Variants in SF3B3 observed in about 807,000 individuals in gnomAD.
The protein encoded by SF3B3 is splicing factor 3b subunit 3.
SF3B3 carries 33 observed loss-of-function variants against 139.2 expected under a neutral mutation model. The observed-to-expected ratio is 0.24, with a 90% CI of 0.18 to 0.32. The LOEUF is 0.32. Among genes scored for constraint, SF3B3 ranks in the 10% least tolerant of loss-of-function variants. The pLI, the probability that SF3B3 is intolerant of heterozygous loss-of-function variation, is 1.00. For missense variants in SF3B3, 818 were observed against 1,509.4 expected, an observed-to-expected ratio of 0.54 and a Z score of 7.59; for synonymous variants, 596 against 563.6, an observed-to-expected ratio of 1.06 and a Z score of -0.81.
chr16:70,569,770 T>C, intron 23 of SF3B3: 1 of 484,602 alleles, frequency 2.1e-6, no homozygotes, highest in Non-Finnish European at 3.7e-6. Flanking sequence ...GCTGAGACTA[T>C]AGTACATGCC....
rs2050360982 is a variant in SF3B3, at chr16:70,554,446, A to G, written c.1403A>G (p.Asp468Gly). The G allele has an allele frequency of 1.2e-6, 2 of 1,613,636 alleles. No individual in the cohort carries two copies. Among genetic ancestry groups the G allele is most frequent in the Non-Finnish European group, 1.7e-6 (2 of 1,179,810 alleles). The change falls in exon 12 of 26, where the codon GAT becomes GGT. Residue 468 changes from aspartate (D) to glycine (G), a missense_variant and splice_region_variant. Asp to Gly is a moderately conservative substitution (Grantham distance 94). Transcript: ENST00000302516. Reference protein sequence around the residue: ...AVWTVRRHIEDEFDAYIIVSF... With the variant: ...AVWTVRRHIEGEFDAYIIVSF... ...CCAACTCCCTTCTTTTCTTTTTCAG[A>G]TGAGTTTGATGCCTACATCATTGTG... is the stretch of plus-strand genomic sequence containing the variant.
chr16:70,560,909 G>A (rs2050422066), intron 16 of SF3B3, among the ~76,000 whole-genome samples: 1 of 152,222 alleles, frequency 6.6e-6, no homozygotes, highest in African/African-American at 2.4e-5. Context: ...TCTTAGATCA[G>A]TGTCACGTTT....
chr16:70,539,249 TA>T (rs1309424552), intron 8 of SF3B3, 42 bp downstream of exon 8: 22 of 1,457,482 alleles, frequency 1.5e-5, no homozygotes, highest in Non-Finnish European at 2.1e-5. Context: ...CTGGTTGGGA[TA>T]AAAGTTGGCA....
intron 3 of SF3B3, among the ~76,000 whole-genome samples, chr16:70,529,849 TCAGC>T (rs2050103671): frequency 6.6e-6 from 1 of 151,952 alleles, no homozygotes; most frequent in Non-Finnish European, 1.5e-5. Flanking sequence ...AGATGGGGTC[TCAGC>T]CAGGTGCGGT....
chr16:70,565,491 G>A lies in SF3B3; in HGVS notation c.2793G>A (p.Val931=). Residue 931 remains valine (V), a synonymous_variant, in exon 20 of 26, where the codon GTG becomes GTA. Transcript: ENST00000302516. Reference sequence around the variant, plus strand: ...GCTTCGTCTATACTTACAAGCTTGTGAACAATGGGGAAAAACTGGAGTTTT... The same window carrying A: ...GCTTCGTCTATACTTACAAGCTTGTAAACAATGGGGAAAAACTGGAGTTTT... The part of the protein sequence containing the change: ...AGGFVYTYKL[V]NNGEKLEFLH... 5 of 1,614,024 alleles carry A rather than the reference G, an allele frequency of 3.1e-6. No homozygotes were observed. Among genetic ancestry groups the A allele is most frequent in the Non-Finnish European group, 4.2e-6 (5 of 1,179,978 alleles).
chr16:70,553,921 T>C (rs117627296), intron 11 of SF3B3, among the ~76,000 whole-genome samples: 3,584 of 152,314 alleles, frequency 0.024, 68 homozygotes, highest in Non-Finnish European at 0.035. Flanking sequence ...ATCATTCCCA[T>C]TGGGACTAGG....
intron 3 of SF3B3, among the ~76,000 whole-genome samples, chr16:70,530,507 C>G (rs1263880629): frequency 6.6e-6 from 1 of 151,818 alleles, no homozygotes; most frequent in Non-Finnish European, 1.5e-5. Context: ...TTAGTAGAGA[C>G]AAGGTTTTAC....
chr16:70,546,927 C>G (rs1036291927), intron 10 of SF3B3, among the ~76,000 whole-genome samples: 7 of 151,874 alleles, frequency 4.6e-5, no homozygotes, highest in African/African-American at 1.7e-4. Context: ...ACTCAGGAGG[C>G]TGAGGCAGGA....
At chr16:70,527,862 G>C (rs941040359) in intron 2 of SF3B3, among the ~76,000 whole-genome samples, 3 of 152,154 alleles carry the variant, frequency 2.0e-5, no homozygotes, top group African/African-American at 7.2e-5. Flanking sequence ...TGCCACCTCC[G>C]CCTCCTGGGT....
At chr16:70,569,387 T>C (rs1051121124) in intron 23 of SF3B3, among the ~76,000 whole-genome samples, 5 of 152,212 alleles carry the variant, frequency 3.3e-5, no homozygotes, top group African/African-American at 1.2e-4. Context: ...CCTGTAGGCA[T>C]GTGCTGCTTT....
At chr16:70,531,804 G>A (rs955923190) in intron 4 of SF3B3, among the ~76,000 whole-genome samples, 5 of 152,208 alleles carry the variant, frequency 3.3e-5, no homozygotes, top group African/African-American at 7.2e-5. Flanking sequence ...TTCCTTTAAC[G>A]GAAGGCAGTA....
chr16:70,570,552 G>A (rs566624081), intron 24 of SF3B3, among the ~76,000 whole-genome samples: 174 of 152,004 alleles, frequency 1.1e-3, no homozygotes, highest in Middle Eastern at 3.4e-3. Flanking sequence ...GGGTGGTCTC[G>A]ATCTCTTGAC....
chr16:70,562,588 T>G (rs1475980773), intron 17 of SF3B3, among the ~76,000 whole-genome samples: 3 of 152,290 alleles, frequency 2.0e-5, no homozygotes, highest in African/African-American at 7.2e-5. Context: ...GCTAGAATGC[T>G]TCACCCACAT....
intron 6 of SF3B3, among the ~76,000 whole-genome samples, chr16:70,537,288 T>C (rs1388092443): frequency 6.6e-6 from 1 of 152,236 alleles, no homozygotes; most frequent in Non-Finnish European, 1.5e-5. Context: ...TTGGTCACTT[T>C]GTTAAGGTGG....
intron 14 of SF3B3, 198 bp from the exon 15 acceptor site, chr16:70,556,688 A>G: frequency 1.6e-6 from 1 of 631,992 alleles, no homozygotes; most frequent in Non-Finnish European, 2.7e-6. Context: ...TGACAAAAGG[A>G]GGAAAGCATG....
At position 70,573,096 on chromosome 16, in the gene SF3B3, CTG is replaced by C. The variant is rs2050545115; in HGVS notation, c.*1286_*1287del. 1 of 152,204 alleles carries C rather than the reference CTG, an allele frequency of 6.6e-6. No individual in the cohort carries two copies. Among genetic ancestry groups the C allele is most frequent in the Admixed American group, 6.5e-5 (1 of 15,276 alleles). 9.4% of individuals were successfully genotyped at this position (152,204 alleles called of 1,614,324 possible). On this transcript the variant is annotated 3_prime_UTR_variant, in exon 26 of 26. Coordinates refer to ENST00000302516, the MANE Select transcript of SF3B3 (RefSeq NM_012426.5). The stretch of plus-strand genomic sequence containing the variant: ...AGCCCAGAACAGAGGGTTCCTGACA[CTG>C]TGACACTGTCTCCTGGAACTAAGTA...
chr16:70,557,443 G>A (rs558781119), intron 15 of SF3B3, among the ~76,000 whole-genome samples: 2 of 152,334 alleles, frequency 1.3e-5, no homozygotes, highest in East Asian at 1.9e-4. Context: ...AAGAAAAGGT[G>A]TGCTTTAACG....
In SF3B3 at chr16:70,556,167, T is replaced by G; in HGVS notation, c.1711-12T>G. The G allele has an allele frequency of 6.2e-7, 1 of 1,614,126 alleles. No homozygotes were observed. Among genetic ancestry groups the G allele is most frequent in the Non-Finnish European group, 8.5e-7 (1 of 1,179,968 alleles). On this transcript the variant is annotated splice_polypyrimidine_tract_variant and intron_variant, in intron 13 of 25. Transcript: ENST00000302516. ...CTGTAGTTTTGACCTTGCTGTGTCT[T>G]TCCTCCTGTAGTCAGGACAGCTGAA...
chr16:70,558,190 C>T (rs1003649005), intron 15 of SF3B3, among the ~76,000 whole-genome samples: 16 of 152,042 alleles, frequency 1.1e-4, no homozygotes, highest in Non-Finnish European at 2.2e-4. Flanking sequence ...TTAGACCATG[C>T]CATCCATTAG....
Sources: allele counts gnomAD v4.1 joint callset (sites outside exome capture counted in the v4.1 genomes callset), GRCh38; gene constraint gnomAD v4.1.1; transcripts MANE v1.5; gene names NCBI Gene and HGNC (gene_info 2026-07-23, HGNC 2026-07-21).